The following DGLUCY variants were observed in gnomAD, a reference collection of about 807,000 sequenced individuals.
DGLUCY encodes the protein D-glutamate cyclase, mitochondrial.
DGLUCY carries 58 observed loss-of-function variants against 58.5 expected under a neutral mutation model. That is an observed-to-expected ratio of 0.99 (90% CI 0.80 to 1.23). The LOEUF is 1.23. DGLUCY is among the 50% of genes most tolerant of loss of function. The probability of loss-of-function intolerance (pLI) is 0.00; values close to 1 mark genes in which losing one functional copy is unlikely to be tolerated. For synonymous variants in DGLUCY, 325 were observed against 314.1 expected (o/e 1.03, Z -0.37); for missense variants, 779 against 784.7 (o/e 0.99, Z 0.09).
intron 3 of DGLUCY, among the ~76,000 whole-genome samples, chr14:91,162,293 A>G (rs1296367212): frequency 1.3e-5 from 2 of 152,176 alleles, no homozygotes; most frequent in Admixed American, 1.3e-4. Context: ...CTCTCTTGTC[A>G]TTAAGTTAAA....
At chr14:91,201,542 C>G (rs1179864781) in intron 11 of DGLUCY, among the ~76,000 whole-genome samples, 1 of 152,094 alleles carries the variant, frequency 6.6e-6, no homozygotes, top group African/African-American at 2.4e-5. Flanking sequence ...CGTGATCCGC[C>G]TGCCTCTGCC....
chr14:91,144,517 A>C (rs935388487), intron 1 of DGLUCY, among the ~76,000 whole-genome samples: 2 of 152,136 alleles, frequency 1.3e-5, no homozygotes, highest in Admixed American at 6.5e-5. Flanking sequence ...CTGAGATGAC[A>C]CTACTGCACT....
intron 1 of DGLUCY, among the ~76,000 whole-genome samples, chr14:91,091,647 G>T (rs2044313461): frequency 6.6e-6 from 1 of 152,218 alleles, no homozygotes; most frequent in African/African-American, 2.4e-5. Context: ...AAGGTCCATA[G>T]CCTGTCTGGA....
chr14:91,155,309 G>A (rs138741851), intron 1 of DGLUCY, among the ~76,000 whole-genome samples: 180 of 152,238 alleles, frequency 1.2e-3, no homozygotes, highest in African/African-American at 4.2e-3. Flanking sequence ...CTTCCACAGC[G>A]CTAACTGTGA....
chr14:91,189,872 C>T (rs575805964), intron 9 of DGLUCY: 2 of 152,422 alleles, frequency 1.3e-5, no homozygotes, highest in East Asian at 3.9e-4. Flanking sequence ...CCTAAAGCAC[C>T]CATTATGTCA....
intron 8 of DGLUCY, among the ~76,000 whole-genome samples, chr14:91,184,175 C>T (rs2049347127): frequency 6.6e-6 from 1 of 152,070 alleles, no homozygotes; most frequent in Admixed American, 6.5e-5. Flanking sequence ...GGACTGATTC[C>T]AGCACCAGTT....
chr14:91,190,397 T>C (rs1373714821), intron 9 of DGLUCY, among the ~76,000 whole-genome samples: 1 of 152,074 alleles, frequency 6.6e-6, no homozygotes, highest in Non-Finnish European at 1.5e-5. Flanking sequence ...GTAAGATGAA[T>C]GCACAGTGTG....
chr14:91,094,590 C>T (rs922377005), intron 1 of DGLUCY, among the ~76,000 whole-genome samples: 6 of 151,740 alleles, frequency 4.0e-5, no homozygotes, highest in Non-Finnish European at 7.4e-5. Flanking sequence ...CCTATAATCC[C>T]AGCACTTTGG....
chr14:91,117,646 T>C (rs1046024925), intron 1 of DGLUCY, among the ~76,000 whole-genome samples: 6 of 149,442 alleles, frequency 4.0e-5, no homozygotes, highest in East Asian at 2.0e-4. Context: ...TTTGTTCACA[T>C]ACACACACAC....
intron 1 of DGLUCY, among the ~76,000 whole-genome samples, chr14:91,071,921 TA>T (rs1282999089): frequency 6.6e-6 from 1 of 151,052 alleles, no homozygotes; most frequent in Non-Finnish European, 1.5e-5. Context: ...ACTGTGAACA[TA>T]ATTATACACC....
intron 1 of DGLUCY, among the ~76,000 whole-genome samples, chr14:91,140,817 T>C (rs2046622321): frequency 6.6e-6 from 1 of 152,214 alleles, no homozygotes; most frequent in Admixed American, 6.5e-5. Flanking sequence ...CCAAGTAAAG[T>C]GCCCACAACA....
At chr14:91,103,119 A>C (rs2044522667), upstream of DGLUCY, among the ~76,000 whole-genome samples, 1 of 151,980 alleles carries the variant, frequency 6.6e-6, no homozygotes, top group Admixed American at 6.6e-5. Context: ...TCTCAGGCCC[A>C]AGGGAGAGCA....
intron 1 of DGLUCY, among the ~76,000 whole-genome samples, chr14:91,149,247 C>CAA (rs530717496): frequency 8.8e-5 from 10 of 113,918 alleles, no homozygotes; most frequent in African/African-American, 2.9e-4. Flanking sequence ...AACTCTATCT[C>CAA]AAAAAAAAAA....
intron 1 of DGLUCY, among the ~76,000 whole-genome samples, chr14:91,088,279 A>G (rs1303764884): frequency 6.6e-6 from 1 of 152,194 alleles, no homozygotes; most frequent in African/African-American, 2.4e-5. Flanking sequence ...TAGTGATATA[A>G]AGCATCATGT....
chr14:91,177,081 C>T (rs1477786386), intron 7 of DGLUCY, among the ~76,000 whole-genome samples: 2 of 152,074 alleles, frequency 1.3e-5, no homozygotes, highest in African/African-American at 2.4e-5. Context: ...TCACTGCAGC[C>T]TCAAACCTCT....
intron 8 of DGLUCY, among the ~76,000 whole-genome samples, chr14:91,185,111 G>A (rs2049421230): frequency 6.6e-6 from 1 of 151,848 alleles, no homozygotes; most frequent in South Asian, 2.1e-4. Context: ...TGGGATTACA[G>A]GCATGTGCCA....
intron 1 of DGLUCY, among the ~76,000 whole-genome samples, chr14:91,137,995 C>T (rs984847585): frequency 2.0e-5 from 3 of 152,138 alleles, no homozygotes; most frequent in Non-Finnish European, 2.9e-5. Flanking sequence ...AAAGACACTG[C>T]GTGATTCAGT....
At chr14:91,078,687 T>C (rs752908766) in intron 1 of DGLUCY, among the ~76,000 whole-genome samples, 1 of 152,226 alleles carries the variant, frequency 6.6e-6, no homozygotes, top group South Asian at 2.1e-4. Flanking sequence ...CTGTGCCACA[T>C]TGAAGTTTTG....
At chr14:91,176,958 TTC>T (rs72166031) in intron 7 of DGLUCY, among the ~76,000 whole-genome samples, 2 of 151,778 alleles carry the variant, frequency 1.3e-5, no homozygotes, top group East Asian at 3.8e-4. Context: ...TCTTTCTTCT[TTC>T]TCTCTCTCTC....
Sources: gnomAD v4.1 joint callset for allele counts (sites outside exome capture counted in the v4.1 genomes callset) on GRCh38, gnomAD v4.1.1 for gene constraint, MANE v1.5 for transcripts, NCBI Gene and HGNC (gene_info 2026-07-23, HGNC 2026-07-21) for gene names.